DAB1: variants seen among roughly 807,000 people sequenced by gnomAD.
DAB1 encodes the protein DAB adaptor protein 1.
DAB1 carries 15 observed loss-of-function variants against 64.6 expected under a neutral mutation model. The ratio of observed to expected loss-of-function variants is 0.23; its 90% confidence interval spans 0.16 to 0.36. The LOEUF is 0.36. Ranked by LOEUF, DAB1 falls within the 10% of genes least tolerant of loss-of-function variation. The probability of loss-of-function intolerance (pLI) is 1.00; values close to 1 mark genes in which losing one functional copy is unlikely to be tolerated. For synonymous variants in DAB1, 235 were observed against 251.9 expected (o/e 0.93, Z 0.64); for missense variants, 596 against 706.7 (o/e 0.84, Z 1.78).
chr1:57,253,259 G>A (rs954906120), intron 2 of DAB1, among the ~76,000 whole-genome samples: 3 of 152,078 alleles, frequency 2.0e-5, no homozygotes, highest in East Asian at 1.9e-4. Context: ...CCCCATTACC[G>A]GCTGAGTGAC....
intron 1 of DAB1, among the ~76,000 whole-genome samples, chr1:57,395,935 T>C (rs1334028811): frequency 6.6e-6 from 1 of 152,224 alleles, no homozygotes; most frequent in Non-Finnish European, 1.5e-5. Context: ...TCCCAAGGAC[T>C]GGCAAATATA....
intron 4 of DAB1, among the ~76,000 whole-genome samples, chr1:58,242,415 A>G (rs1009183675): frequency 1.3e-5 from 2 of 152,108 alleles, no homozygotes; most frequent in African/African-American, 4.8e-5. Context: ...ATAAAAAGTA[A>G]GCTGCCTACA....
At chr1:57,479,030 C>T (rs561248764) in intron 7 of DAB1, among the ~76,000 whole-genome samples, 13 of 152,164 alleles carry the variant, frequency 8.5e-5, no homozygotes, top group African/African-American at 3.1e-4. Context: ...GTTGTTAATT[C>T]AGATTGTACT....
chr1:58,490,335 G>T (rs1423137036), intron 3 of DAB1, among the ~76,000 whole-genome samples: 1 of 152,124 alleles, frequency 6.6e-6, no homozygotes, highest in Non-Finnish European at 1.5e-5. Context: ...TGGAAGAAAA[G>T]GTATCAGTGA....
At chr1:57,869,758 T>C (rs1405463916) in intron 1 of DAB1, among the ~76,000 whole-genome samples, 1 of 152,258 alleles carries the variant, frequency 6.6e-6, no homozygotes, top group East Asian at 1.9e-4. Flanking sequence ...TTATTACTTC[T>C]CTCAGAACTA....
chr1:57,211,236 T>G (rs1665977192), intron 2 of DAB1, among the ~76,000 whole-genome samples: 1 of 152,182 alleles, frequency 6.6e-6, no homozygotes, highest in East Asian at 1.9e-4. Context: ...GGCTCTTCAG[T>G]GAAGATCTTT....
intron 1 of DAB1, among the ~76,000 whole-genome samples, chr1:57,347,800 G>A (rs189339516): frequency 1.6e-3 from 245 of 151,826 alleles, no homozygotes; most frequent in Middle Eastern, 3.4e-3. Flanking sequence ...TTTTTTAAGC[G>A]GCAGATTTGT....
At chr1:56,999,376 TA>T (rs1362903647) in intron 14 of DAB1, among the ~76,000 whole-genome samples, 3 of 152,322 alleles carry the variant, frequency 2.0e-5, no homozygotes, top group Admixed American at 2.0e-4. Flanking sequence ...GTGCTTTTTC[TA>T]ATCTTTTACA....
intron 9 of DAB1, among the ~76,000 whole-genome samples, chr1:57,035,097 C>A (rs1647097870): frequency 6.6e-6 from 1 of 152,046 alleles, no homozygotes. Flanking sequence ...TATTATTTGG[C>A]CAGAGGTGGG....
At chr1:58,327,570 G>T (rs1474831202) in intron 4 of DAB1, among the ~76,000 whole-genome samples, 1 of 152,202 alleles carries the variant, frequency 6.6e-6, no homozygotes, top group Non-Finnish European at 1.5e-5. Context: ...CTTTGTGCTT[G>T]TTGCTTCTCC....
chr1:57,455,265 A>G (rs1686542993), intron 7 of DAB1, among the ~76,000 whole-genome samples: 1 of 152,158 alleles, frequency 6.6e-6, no homozygotes, highest in Non-Finnish European at 1.5e-5. Context: ...GAAGCAACCA[A>G]CTTTTCTGTC....
At chr1:58,300,273 C>G (rs966538040) in intron 4 of DAB1, among the ~76,000 whole-genome samples, 2 of 151,982 alleles carry the variant, frequency 1.3e-5, no homozygotes, top group Non-Finnish European at 2.9e-5. Flanking sequence ...GGGCTGGGAG[C>G]AGTGGCTTAT....
intron 7 of DAB1, among the ~76,000 whole-genome samples, chr1:57,484,871 G>T (rs1194646863): frequency 6.6e-6 from 1 of 152,164 alleles, no homozygotes; most frequent in Non-Finnish European, 1.5e-5. Context: ...TGCCTGTGTG[G>T]TGCTGGTGAA....
intron 1 of DAB1, chr1:58,534,351 T>C (rs1646483717): frequency 1.2e-6 from 1 of 824,420 alleles, no homozygotes; most frequent in Non-Finnish European, 2.1e-6. Flanking sequence ...TAAAAATTAC[T>C]TCTTATTTTA....
chr1:58,415,653 C>T (rs1351834512), intron 3 of DAB1, among the ~76,000 whole-genome samples: 1 of 152,212 alleles, frequency 6.6e-6, no homozygotes, highest in African/African-American at 2.4e-5. Flanking sequence ...AATTTCTCTT[C>T]CTCCCTACCC....
At chr1:58,188,932 G>C (rs1426168934) in intron 4 of DAB1, among the ~76,000 whole-genome samples, 1 of 152,146 alleles carries the variant, frequency 6.6e-6, no homozygotes, top group South Asian at 2.1e-4. Context: ...CACAGCAAAA[G>C]TATTTATACA....
rs754984235 is a variant in DAB1, at chr1:57,583,826, C to CA, written n.625+65765dup. 3.9e-5 allele frequency among the ~76,000 whole-genome samples: 6 copies of CA among 152,282 alleles called. No individual in the cohort carries two copies. In the South Asian group the frequency reaches 8.3e-4, roughly 21 times the overall value. On this transcript the variant is annotated intron_variant and non_coding_transcript_variant, in intron 7 of 20. Transcript: ENST00000485760. ...AATCATATCTCCATCTTCTCTGGTACAAGAATCTCTTAGAGACCTTGGTTC... is the reference window on the plus strand; with the variant it reads ...AATCATATCTCCATCTTCTCTGGTACAAAGAATCTCTTAGAGACCTTGGTTC...
chr1:57,719,246 ACT>A (rs1647122219), intron 6 of DAB1, among the ~76,000 whole-genome samples: 1 of 152,104 alleles, frequency 6.6e-6, no homozygotes. Context: ...AACATTGAAC[ACT>A]CTTCCGTGTT....
At chr1:57,547,605 T>C (rs1428342691) in intron 7 of DAB1, among the ~76,000 whole-genome samples, 1 of 152,072 alleles carries the variant, frequency 6.6e-6, no homozygotes, top group East Asian at 1.9e-4. Context: ...AGACAGGGAG[T>C]TGACTGAAAC....
Sources: gnomAD v4.1 joint callset for allele counts (sites outside exome capture counted in the v4.1 genomes callset) on GRCh38, gnomAD v4.1.1 for gene constraint, MANE v1.5 for transcripts, NCBI Gene and HGNC (gene_info 2026-07-23, HGNC 2026-07-21) for gene names.